Variants in PRAME observed in about 807,000 individuals in gnomAD.
PRAME encodes the protein melanoma antigen preferentially expressed in tumors.
PRAME carries 21 observed loss-of-function variants against 32.1 expected under a neutral mutation model. That is an observed-to-expected ratio of 0.65 (90% CI 0.46 to 0.94). PRAME has a LOEUF of 0.94. Ranked by LOEUF, PRAME falls within the 40% of genes least tolerant of loss-of-function variation. PRAME has a pLI of 0.00. For missense variants in PRAME, 651 were observed against 622.3 expected (o/e 1.05, Z -0.49); for synonymous variants, 274 against 251.5 (o/e 1.09, Z -0.85).
In PRAME at chr22:22,550,188, A is replaced by C. The variant is rs1465739236; in HGVS notation, c.491T>G (p.Leu164Trp). The change falls in exon 5 of 6, where the codon TTG (leucine) becomes TGG (tryptophan). Residue 164 changes from leucine to tryptophan, a missense_variant. Physicochemically the swap from Leu to Trp is moderately conservative, Grantham distance 61. Coordinates refer to ENST00000405655, the MANE Select transcript of PRAME (RefSeq NM_206956.3). ...PMTKKRKVDG[L>W]STEAEQPFIP... ...GAAGGGCTGCTCTGCCTCTGTGCTCAAACCATCTACTTTTCGCTTCTTTGT... is the reference window on the plus strand; with the variant it reads ...GAAGGGCTGCTCTGCCTCTGTGCTCCAACCATCTACTTTTCGCTTCTTTGT... The C allele has an allele frequency of 1.9e-6, 3 of 1,613,706 alleles. No individual in the cohort carries two copies. Among genetic ancestry groups the C allele is most frequent in the Non-Finnish European group, 1.7e-6 (2 of 1,179,958 alleles).
chr22:22,557,959 G>A (rs1252564163), intron 1 of PRAME, among the ~76,000 whole-genome samples: 2 of 1,448 alleles, frequency 1.4e-3, no homozygotes, highest in Non-Finnish European at 2.7e-3. Context: ...GGTTAGGAAT[G>A]GGGGAAGGAA....
intron 3 of PRAME, among the ~76,000 whole-genome samples, chr22:22,553,299 G>A (rs1342183645): frequency 2.0e-5 from 3 of 151,934 alleles, no homozygotes; most frequent in Non-Finnish European, 4.4e-5. Flanking sequence ...AACAACAGAG[G>A]GGTGGCTGGT....
rs533316151 is a variant in PRAME at position 22,550,881 on chromosome 22, G to A, written c.230C>T (p.Pro77Leu). 42 of 1,613,706 alleles carry A rather than the reference G, an allele frequency of 2.6e-5. No individual in the cohort carries two copies. The highest frequency in any genetic ancestry group is 3.2e-5 in the Non-Finnish European group (38 of 1,179,944). The change falls in exon 4 of 6, where the codon CCC becomes CTC. Residue 77 changes from proline to leucine, a missense_variant. Transcript: ENST00000405655. ...CACTCCCAGAGGGAGGCAGGTGAAG[G>A]GCCAGGCCTGCACCATTGCCTTCAG... ...QTLKAMVQAW[P>L]FTCLPLGVLM...
intron 4 of PRAME, 121 bp from the exon 5 acceptor site, chr22:22,550,455 C>T: frequency 7.5e-7 from 1 of 1,332,578 alleles, no homozygotes; most frequent in Non-Finnish European, 1.0e-6. Flanking sequence ...TGCACTTTTA[C>T]TTCGTACTTC....
chr22:22,549,886 G>A lies in PRAME; in HGVS notation c.793C>T (p.Leu265Phe). 1.2e-6 allele frequency: 2 copies of A among 1,613,870 alleles called. No individual in the cohort carries two copies. Among genetic ancestry groups the A allele is most frequent in the Non-Finnish European group, 1.7e-6 (2 of 1,179,972 alleles). The change falls in exon 5 of 6, where the codon CTC (leucine) becomes TTC (phenylalanine). Residue 265 changes from leucine to phenylalanine, a missense_variant. By Grantham distance (22) the Leu-to-Phe change is conservative. Coordinates refer to ENST00000405655, the MANE Select transcript of PRAME (RefSeq NM_206956.3). ...GATGCATGGATGTGGGAGAGGAGGA[G>A]TCTACGCAGATTAATCATCTGGCCC... is the stretch of plus-strand genomic sequence containing the variant. ...YLGQMINLRRLLLSHIHASSY... is the reference protein window; with the variant it reads ...YLGQMINLRRFLLSHIHASSY...
chr22:22,559,060 T>C lies in PRAME; in HGVS notation c.-203A>G, dbSNP rs2063175789. The C allele has an allele frequency of 1.1e-5, 2 of 180,238 alleles. No individual in the cohort carries two copies. The highest frequency in any genetic ancestry group is 1.1e-5 in the Non-Finnish European group (1 of 87,862). The allele number at this position is 180,238 out of a possible 1,614,324, so 11.2% of individuals were successfully genotyped here. On this transcript the variant is annotated 5_prime_UTR_variant, in exon 1 of 6. Transcript: ENST00000405655. Reference sequence around the variant, plus strand: ...GCATGCTCCCCTCGACTCCCCGTGTTTCCACTCTCCACAGAAATCCACGCA... The same window carrying C: ...GCATGCTCCCCTCGACTCCCCGTGTCTCCACTCTCCACAGAAATCCACGCA...
chr22:22,550,940 G>C lies in PRAME; in HGVS notation c.171C>G (p.Phe57Leu). 1 of 1,613,864 alleles carries C rather than the reference G, an allele frequency of 6.2e-7. No individual in the cohort carries two copies. The highest frequency in any genetic ancestry group is 8.5e-7 in the Non-Finnish European group (1 of 1,179,976). Residue 57 changes from phenylalanine to leucine, a missense_variant, in exon 4 of 6, where the codon TTC becomes TTG. Phe to Leu is a conservative substitution (Grantham distance 22). Transcript: ENST00000405655. ...TGTGTCTCCCGTCAAAGGCTGCCATGAAGAGTGGCGGGAAGAGCTCCCTGG... is the reference window on the plus strand; with the variant it reads ...TGTGTCTCCCGTCAAAGGCTGCCATCAAGAGTGGCGGGAAGAGCTCCCTGG... ...LLPRELFPPL[F>L]MAAFDGRHSQ...
intron 1 of PRAME, among the ~76,000 whole-genome samples, chr22:22,558,244 G>C (rs1247507949): frequency 6.3e-4 from 3 of 4,798 alleles, no homozygotes; most frequent in African/African-American, 4.4e-3. Flanking sequence ...AACGGAGACA[G>C]AGGGTGGGGG....
intron 5 of PRAME, 61 bp from the exon 6 acceptor site, chr22:22,548,704 G>A (rs2062384976): frequency 3.5e-6 from 5 of 1,420,404 alleles, no homozygotes; most frequent in Non-Finnish European, 4.8e-6. Context: ...GGAGACTGGA[G>A]AGAGGCCCAT....
intron 3 of PRAME, among the ~76,000 whole-genome samples, chr22:22,552,623 C>T (rs1005909248): frequency 3.9e-5 from 6 of 151,918 alleles, no homozygotes; most frequent in African/African-American, 1.4e-4. Flanking sequence ...AGAAATCAAT[C>T]CAATAACCAA....
At chr22:22,551,138 G>C (rs1055536484) in intron 3 of PRAME, 49 bp from the exon 4 acceptor site, 1 of 1,487,704 alleles carries the variant, frequency 6.7e-7, no homozygotes, top group Non-Finnish European at 9.1e-7. Context: ...CCAAGCATAA[G>C]CAACTCTATC....
At position 22,548,081 on chromosome 22, in the gene PRAME, A is replaced by G; in HGVS notation, c.1516T>C (p.Phe506Leu). ...YDPEPILCPC[F>L]MPN ...TGTGCACCCAGCTAATTAGGCATGA[A>G]ACAGGGGCACAGGATGGGCTCCGGG... Residue 506 changes from phenylalanine (F) to leucine (L), a missense_variant, in exon 6 of 6, where the codon TTC becomes CTC. Transcript: ENST00000405655. 1 of 1,610,658 alleles carries G rather than the reference A, an allele frequency of 6.2e-7. No homozygotes were observed. Among genetic ancestry groups the G allele is most frequent in the Middle Eastern group, 1.7e-4 (1 of 6,016 alleles).
chr22:22,553,136 A>ATTT (rs2062699030), intron 3 of PRAME, among the ~76,000 whole-genome samples: 1 of 151,946 alleles, frequency 6.6e-6, no homozygotes, highest in Non-Finnish European at 1.5e-5. Flanking sequence ...CCACATCAAA[A>ATTT]TTACCCAAAT....
At chr22:22,555,321 C>T (rs1478578167) in intron 3 of PRAME, among the ~76,000 whole-genome samples, 1 of 151,876 alleles carries the variant, frequency 6.6e-6, no homozygotes, top group Non-Finnish European at 1.5e-5. Context: ...ACTGCAACCT[C>T]TGCCTCCTGG....
At chr22:22,551,817 A>G (rs957740435) in intron 3 of PRAME, among the ~76,000 whole-genome samples, 1 of 151,948 alleles carries the variant, frequency 6.6e-6, no homozygotes, top group African/African-American at 2.4e-5. Flanking sequence ...TATGGTGTAC[A>G]ATATGATGCT....
chr22:22,548,376 C>G lies in PRAME; in HGVS notation c.1221G>C (p.Gln407His). Reference sequence around the variant, plus strand: ...TCCCGTAGAAGCTTAAGGTCGTAAGCTGGGAGCAGTGGCTCAGGGAAGGCA... The same window carrying G: ...TCCCGTAGAAGCTTAAGGTCGTAAGGTGGGAGCAGTGGCTCAGGGAAGGCA... ...ALLPSLSHCSQLTTLSFYGNS... is the reference protein window; with the variant it reads ...ALLPSLSHCSHLTTLSFYGNS... The change falls in exon 6 of 6, where the codon CAG becomes CAC. Residue 407 changes from glutamine to histidine, a missense_variant. Transcript: ENST00000405655. 6.2e-7 allele frequency: 1 copy of G among 1,613,438 alleles called. No individual in the cohort carries two copies. The highest frequency in any genetic ancestry group is 1.1e-5 in the South Asian group (1 of 91,064).
chr22:22,555,561 G>A (rs554842143), intron 3 of PRAME, among the ~76,000 whole-genome samples: 30 of 151,786 alleles, frequency 2.0e-4, no homozygotes, highest in African/African-American at 7.0e-4. Context: ...TAGAGACAGG[G>A]TCTTACTATG....
intron 3 of PRAME, among the ~76,000 whole-genome samples, chr22:22,553,374 G>T (rs573253677): frequency 6.6e-6 from 1 of 152,098 alleles, no homozygotes; most frequent in South Asian, 2.1e-4. Context: ...CTACAATTAG[G>T]AGTTAGTCAG....
chr22:22,556,615 G>A (rs1389619694), intron 3 of PRAME, among the ~76,000 whole-genome samples, 197 bp downstream of exon 3: 3 of 151,910 alleles, frequency 2.0e-5, no homozygotes, highest in East Asian at 3.9e-4. Context: ...CCGACCCTAG[G>A]GTTGACTCTC....
Sources: gnomAD v4.1 joint callset for allele counts (sites outside exome capture counted in the v4.1 genomes callset) on GRCh38, gnomAD v4.1.1 for gene constraint, MANE v1.5 for transcripts, NCBI Gene and HGNC (gene_info 2026-07-23, HGNC 2026-07-21) for gene names.